The following CADM1 variants were observed in gnomAD, a reference collection of about 807,000 sequenced individuals.
CADM1 encodes cell adhesion molecule 1.
A neutral mutation model predicts 53.1 loss-of-function variants in CADM1; 15 were observed. The ratio of observed to expected loss-of-function variants is 0.28; its 90% CI spans 0.19 to 0.44. The LOEUF (loss-of-function observed/expected upper bound fraction) is 0.44. Among genes scored for constraint, CADM1 ranks in the 20% least tolerant of loss-of-function variants. The pLI is 1.00. For synonymous variants in CADM1, 281 were observed against 243.0 expected, an observed-to-expected ratio of 1.16 and a Z score of -1.45; for missense variants, 434 against 611.3, an observed-to-expected ratio of 0.71 and a Z score of 3.06.
rs964327379 is a variant in CADM1 at position 115,172,314 on chromosome 11, G to A, written c.*4160C>T. 1.3e-5 allele frequency: 2 copies of A among 152,234 alleles called. No individual in the cohort carries two copies. The highest frequency in any genetic ancestry group is 1.5e-5 in the Non-Finnish European group (1 of 68,094). The allele number at this position is 152,234 out of a possible 1,614,324, so 9.4% of individuals were successfully genotyped here. A position where few individuals can be genotyped will look rare whatever the true frequency, so the allele number is the denominator to read the frequency against. ...GGCTGGGAGAGGTCACTGAAGTATC[G>A]AGTCCTCTGCCCGGACTTTTCAGTA... On this transcript the variant is annotated 3_prime_UTR_variant, in exon 12 of 12. Transcript: ENST00000331581.
chr11:115,200,142 A>C (rs1310161469), intron 8 of CADM1, among the ~76,000 whole-genome samples: 1 of 152,246 alleles, frequency 6.6e-6, no homozygotes, highest in Non-Finnish European at 1.5e-5. Context: ...TTAGTTTCTG[A>C]TGAATAGATG....
intron 10 of CADM1, among the ~76,000 whole-genome samples, chr11:115,187,599 C>T (rs1565285538): frequency 6.6e-6 from 1 of 152,132 alleles, no homozygotes; most frequent in African/African-American, 2.4e-5. Flanking sequence ...TGCCACCACG[C>T]CTGGCTAATT....
intron 1 of CADM1, among the ~76,000 whole-genome samples, chr11:115,358,392 T>C (rs3863302): frequency 0.66 from 100,113 of 152,004 alleles, 33,231 homozygotes; most frequent in East Asian, 0.74. Context: ...AAAGGCATGT[T>C]TTACATGGCA....
intron 1 of CADM1, among the ~76,000 whole-genome samples, chr11:115,476,377 T>C (rs997996186): frequency 3.9e-5 from 6 of 152,216 alleles, no homozygotes; most frequent in Non-Finnish European, 5.9e-5. Flanking sequence ...TCCATGTGGT[T>C]TGTAACTATA....
In CADM1 at chr11:115,229,168, C is replaced by T; in HGVS notation, c.666G>A (p.Val222=). 1.2e-6 allele frequency: 2 copies of T among 1,614,106 alleles called. No homozygotes were observed. The highest frequency in any genetic ancestry group is 1.1e-5 in the South Asian group (1 of 91,076). ...GGTTTCCAGTGACCGCAGGGTGCTCCACCTGGCAGATCACTGGGACCCCAT... is the reference window on the plus strand; with the variant it reads ...GGTTTCCAGTGACCGCAGGGTGCTCTACCTGGCAGATCACTGGGACCCCAT... ...EDDGVPVICQ[V]EHPAVTGNLQ... is the part of the protein sequence containing the mutation. The change falls in exon 5 of 12, where the codon GTG becomes GTA. Residue 222 remains valine, a synonymous_variant. Coordinates refer to ENST00000331581, the MANE Select transcript of CADM1 (RefSeq NM_001301043.2).
At chr11:115,241,548 A>T (rs889979235) in intron 1 of CADM1, among the ~76,000 whole-genome samples, 1 of 152,220 alleles carries the variant, frequency 6.6e-6, no homozygotes, top group African/African-American at 2.4e-5. Flanking sequence ...CCATCTGAAG[A>T]ATGGGGATAG....
intron 1 of CADM1, among the ~76,000 whole-genome samples, chr11:115,376,700 G>A (rs1013854921): frequency 6.6e-6 from 1 of 152,100 alleles, no homozygotes; most frequent in Non-Finnish European, 1.5e-5. Context: ...ATAAAAACCC[G>A]TGGGAAACCT....
chr11:115,463,378 T>C (rs867140258), intron 1 of CADM1, among the ~76,000 whole-genome samples: 6 of 152,346 alleles, frequency 3.9e-5, no homozygotes, highest in Middle Eastern at 3.4e-3. Context: ...AATATTTTTA[T>C]ATCCTGATTT....
chr11:115,416,381 G>A (rs1947597279), intron 1 of CADM1, among the ~76,000 whole-genome samples: 1 of 152,054 alleles, frequency 6.6e-6, no homozygotes, highest in Non-Finnish European at 1.5e-5. Flanking sequence ...CTGATATGAA[G>A]TGAACTGTTC....
intron 1 of CADM1, among the ~76,000 whole-genome samples, chr11:115,441,989 A>C (rs1815376596): frequency 6.6e-6 from 1 of 152,114 alleles, no homozygotes; most frequent in African/African-American, 2.4e-5. Context: ...TCTATGATGC[A>C]TTACGATCTG....
At chr11:115,452,933 C>T (rs987705050) in intron 1 of CADM1, among the ~76,000 whole-genome samples, 5 of 152,078 alleles carry the variant, frequency 3.3e-5, no homozygotes, top group African/African-American at 4.8e-5. Flanking sequence ...GGTATCATTG[C>T]TTTCTTGAAA....
Position 115,420,691 on chromosome 11 carries a change from T to C in CADM1, c.124+83580A>G, listed in dbSNP as rs866519410. Among the ~76,000 whole-genome samples, 59 of 152,186 alleles carry C rather than the reference T, an allele frequency of 3.9e-4. 1 individual carries two copies. The highest frequency in any genetic ancestry group is 6.2e-4 in the South Asian group (3 of 4,826). ...TACATGCAGTGCCGCAGTTGGTTTT[T>C]TAATTATTGTTTGTGGGTCCTGAAT... On this transcript the variant is annotated intron_variant, in intron 1 of 11. Transcript: ENST00000331581.
chr11:115,441,061 T>G (rs529532853), intron 1 of CADM1, among the ~76,000 whole-genome samples: 16 of 152,158 alleles, frequency 1.1e-4, no homozygotes, highest in African/African-American at 3.9e-4. Context: ...TATGTCAAGT[T>G]TAGTTCAAGA....
At chr11:115,500,853 G>A (rs916489135) in intron 1 of CADM1, among the ~76,000 whole-genome samples, 10 of 152,302 alleles carry the variant, frequency 6.6e-5, no homozygotes, top group African/African-American at 2.2e-4. Flanking sequence ...TGTGGAGAGA[G>A]ATGAGCAGGC....
At chr11:115,488,437 G>A (rs1259957207) in intron 1 of CADM1, among the ~76,000 whole-genome samples, 2 of 152,196 alleles carry the variant, frequency 1.3e-5, no homozygotes, top group Non-Finnish European at 2.9e-5. Context: ...TTATGACAGT[G>A]AGAAAAAGGG....
At chr11:115,287,962 C>T (rs2135099933) in intron 1 of CADM1, among the ~76,000 whole-genome samples, 1 of 152,190 alleles carries the variant, frequency 6.6e-6, no homozygotes, top group Admixed American at 6.5e-5. Context: ...ATGATCAGTG[C>T]TTTGAAAACT....
At chr11:115,472,017 A>G (rs915626488) in intron 1 of CADM1, among the ~76,000 whole-genome samples, 2 of 152,202 alleles carry the variant, frequency 1.3e-5, no homozygotes, top group African/African-American at 4.8e-5. Context: ...GTCCAAACCA[A>G]CCAGGCACAG....
At chr11:115,281,725 C>T (rs1343033363) in intron 1 of CADM1, among the ~76,000 whole-genome samples, 1 of 152,142 alleles carries the variant, frequency 6.6e-6, no homozygotes, top group Non-Finnish European at 1.5e-5. Flanking sequence ...AGTGGAAATA[C>T]ATGAGCTGTC....
intron 5 of CADM1, among the ~76,000 whole-genome samples, chr11:115,227,213 A>C (rs960813204): frequency 6.6e-6 from 1 of 152,196 alleles, no homozygotes; most frequent in African/African-American, 2.4e-5. Context: ...AAAGGCTCGC[A>C]GTACTTTGTT....
Sources: allele counts gnomAD v4.1 joint callset (sites outside exome capture counted in the v4.1 genomes callset), GRCh38; gene constraint gnomAD v4.1.1; transcripts MANE v1.5; gene names NCBI Gene and HGNC (gene_info 2026-07-23, HGNC 2026-07-21).